The following UFM1 variants were observed in gnomAD, a reference collection of about 807,000 sequenced individuals.
UFM1 encodes ubiquitin-fold modifier 1.
A neutral mutation model predicts 15.4 loss-of-function variants in UFM1; 9 were observed. The observed-to-expected ratio is 0.59, with a 90% CI of 0.35 to 1.02. The LOEUF (loss-of-function observed/expected upper bound fraction) is 1.02. UFM1 is among the 50% of genes least tolerant of loss of function. The pLI, the probability that UFM1 is intolerant of heterozygous loss-of-function variation, is 0.02. For synonymous variants in UFM1, 27 were observed against 36.3 expected, an observed-to-expected ratio of 0.74 and a Z score of 0.92; for missense variants, 98 against 104.7, an observed-to-expected ratio of 0.94 and a Z score of 0.28.
chr13:38,358,172 A>G (rs1879204531), intron 4 of UFM1, 40 bp downstream of exon 4: 1 of 1,301,372 alleles, frequency 7.7e-7, no homozygotes, highest in Non-Finnish European at 1.0e-6. Flanking sequence ...CCTCAAATTT[A>G]TAGAAATGGT....
chr13:38,358,275 TCAGGGTTATTGTTA>T, intron 4 of UFM1, 143 bp downstream of exon 4: 1 of 429,136 alleles, frequency 2.3e-6, no homozygotes, highest in Non-Finnish European at 4.1e-6. Flanking sequence ...AAACACTAAG[TCAGGGTTATTGTTA>T]ATAATTAGCT....
intron 3 of UFM1, among the ~76,000 whole-genome samples, chr13:38,356,688 A>G (rs1165977009): frequency 7.4e-6 from 1 of 135,380 alleles, no homozygotes; most frequent in African/African-American, 2.6e-5. Context: ...AACCACACAC[A>G]AATTAGTACC....
In UFM1 at chr13:38,361,804, G is replaced by A. The variant is rs1220373256; in HGVS notation, c.*1026G>A. ...GAGGAAACAGTGAAGGGGAACAGAAGGGGGTAGCAAAGTGTTACAGAAAAG... is the reference window on the plus strand; with the variant it reads ...GAGGAAACAGTGAAGGGGAACAGAAAGGGGTAGCAAAGTGTTACAGAAAAG... On this transcript the variant is annotated 3_prime_UTR_variant, in exon 6 of 6. Coordinates refer to ENST00000239878, the MANE Select transcript of UFM1 (RefSeq NM_016617.4). 1.3e-5 allele frequency: 2 copies of A among 152,344 alleles called. No homozygotes were observed. The highest frequency in any genetic ancestry group is 4.8e-5 in the African/African-American group (2 of 41,456). The allele number at this position is 152,344 out of a possible 1,614,324, so 9.4% of individuals were successfully genotyped here. A position where few individuals can be genotyped will look rare whatever the true frequency, so the allele number is the denominator to read the frequency against.
chr13:38,358,256 C>T (rs527745800), intron 4 of UFM1, 124 bp downstream of exon 4: 2 of 480,042 alleles, frequency 4.2e-6, no homozygotes, highest in Admixed American at 8.7e-5. Flanking sequence ...AAATGATATA[C>T]TTACTGGTAA....
intron 5 of UFM1, chr13:38,360,042 C>T: frequency 2.5e-6 from 1 of 402,738 alleles, no homozygotes; most frequent in Admixed American, 2.7e-5. Flanking sequence ...TTTTCACAGG[C>T]CTTGCAGTTG....
In UFM1 at chr13:38,358,068, TA is replaced by T. The variant is rs200487924; in HGVS notation, c.118-24del. On this transcript the variant is annotated intron_variant, in intron 3 of 5. Transcript: ENST00000239878. The stretch of plus-strand genomic sequence containing the variant: ...GTGTGTGTGTGTGTGTATATATATA[TA>T]TATTTTTTTTTCCTTCTATTTAGTT... 2,765 of 1,025,554 alleles carry T rather than the reference TA, an allele frequency of 2.7e-3. 6 individuals carry two copies. The highest frequency in any genetic ancestry group is 8.8e-3 in the African/African-American group (477 of 54,426). 63.5% of individuals were successfully genotyped at this position (1,025,554 alleles called of 1,614,324 possible).
chr13:38,358,069 A>AT (rs373199838), intron 3 of UFM1, 24 bp from the exon 4 acceptor site: 35 of 968,270 alleles, frequency 3.6e-5, no homozygotes, highest in African/African-American at 2.7e-4. Context: ...ATATATATAT[A>AT]TATTTTTTTT....
intron 3 of UFM1, among the ~76,000 whole-genome samples, chr13:38,356,065 A>G (rs1357414826): frequency 6.6e-6 from 1 of 151,916 alleles, no homozygotes; most frequent in African/African-American, 2.4e-5. Context: ...CATTCAGTAG[A>G]AAACCTGTCA....
chr13:38,360,393 AT>A (rs569412669), intron 5 of UFM1, among the ~76,000 whole-genome samples: 1 of 151,712 alleles, frequency 6.6e-6, no homozygotes, highest in Non-Finnish European at 1.5e-5. Flanking sequence ...AGTAATTTAC[AT>A]TTTTTTTCCT....
chr13:38,359,404 A>G (rs953187076), intron 5 of UFM1, 71 bp downstream of exon 5: 2 of 1,514,328 alleles, frequency 1.3e-6, no homozygotes, highest in African/African-American at 2.7e-5. Flanking sequence ...TAGTTAAGCT[A>G]TTCTAATTAC....
Position 38,361,900 on chromosome 13 carries a change from A to G in UFM1, c.*1122A>G, listed in dbSNP as rs1170997085. The G allele has an allele frequency of 6.6e-6, 1 of 152,256 alleles. No individual in the cohort carries two copies. The highest frequency in any genetic ancestry group is 1.5e-5 in the Non-Finnish European group (1 of 68,058). 9.4% of individuals were successfully genotyped at this position (152,256 alleles called of 1,614,324 possible). On this transcript the variant is annotated 3_prime_UTR_variant, in exon 6 of 6. Coordinates refer to ENST00000239878, the MANE Select transcript of UFM1 (RefSeq NM_016617.4). ...TGAAAGGGAAAACAAAATACTTGAC[A>G]TAGTCTTAAGTAGAAGAAGGCAGTT... is the stretch of plus-strand genomic sequence containing the variant.
intron 3 of UFM1, among the ~76,000 whole-genome samples, chr13:38,357,223 C>G (rs996431177): frequency 2.0e-5 from 3 of 151,888 alleles, no homozygotes; most frequent in Non-Finnish European, 4.4e-5. Flanking sequence ...TTGGTTGTTA[C>G]CTGAAAATCT....
At chr13:38,353,600 C>T (rs913051370) in intron 2 of UFM1, among the ~76,000 whole-genome samples, 1 of 151,910 alleles carries the variant, frequency 6.6e-6, no homozygotes, top group Non-Finnish European at 1.5e-5. Context: ...AGTCAGTTAA[C>T]AAAATCACTC....
chr13:38,351,849 GTGTATGTGTA>G (rs1878868679), intron 2 of UFM1, among the ~76,000 whole-genome samples: 1 of 152,180 alleles, frequency 6.6e-6, no homozygotes, highest in Non-Finnish European at 1.5e-5. Flanking sequence ...GTAGTTGTGT[GTGTATGTGTA>G]TAAGGATGTG....
rs768180508 is a variant in UFM1, at chr13:38,349,884, A to G, written c.-36A>G. 27 of 1,613,886 alleles carry G rather than the reference A, an allele frequency of 1.7e-5. No homozygotes were observed. The East Asian group carries it at 5.6e-4, about 33-fold the overall frequency. On this transcript the variant is annotated 5_prime_UTR_variant, in exon 1 of 6. Coordinates refer to ENST00000239878, the MANE Select transcript of UFM1 (RefSeq NM_016617.4). ...AGAGGAAGTCGTGCTACCCCCGCGG[A>G]GTTGTCGTGTGTTCTGGATTCATTC...
Position 38,349,893 on chromosome 13 carries a change from G to A in UFM1, c.-27G>A, listed in dbSNP as rs377571204. 6.2e-6 allele frequency: 10 copies of A among 1,614,018 alleles called. No homozygotes were observed. The highest frequency in any genetic ancestry group is 8.5e-6 in the Non-Finnish European group (10 of 1,180,034). On this transcript the variant is annotated 5_prime_UTR_variant, in exon 1 of 6. In the 5' UTR this introduces an upstream ATG that the reference lacks. Coordinates refer to ENST00000239878, the MANE Select transcript of UFM1 (RefSeq NM_016617.4). Reference sequence around the variant, plus strand: ...CGTGCTACCCCCGCGGAGTTGTCGTGTGTTCTGGATTCATTCCGGCACCAC... The same window carrying A: ...CGTGCTACCCCCGCGGAGTTGTCGTATGTTCTGGATTCATTCCGGCACCAC...
In UFM1 at chr13:38,363,225, A is replaced by G. The variant is rs199518286; in HGVS notation, c.*2447A>G. ...TATTACTATATTTTTACTGTGCTTTATCTATGTTTGGATACACAAGTACTT... is the reference window on the plus strand; with the variant it reads ...TATTACTATATTTTTACTGTGCTTTGTCTATGTTTGGATACACAAGTACTT... On this transcript the variant is annotated 3_prime_UTR_variant, in exon 6 of 6. Coordinates refer to ENST00000239878, the MANE Select transcript of UFM1 (RefSeq NM_016617.4). 16 of 152,228 alleles carry G rather than the reference A, an allele frequency of 1.1e-4. No individual in the cohort carries two copies. Among genetic ancestry groups the G allele is most frequent in the African/African-American group, 3.9e-4 (16 of 41,452 alleles). The allele number at this position is 152,228 out of a possible 1,614,324, so 9.4% of individuals were successfully genotyped here.
chr13:38,354,012 G>A (rs988716900), intron 2 of UFM1, among the ~76,000 whole-genome samples: 3 of 152,028 alleles, frequency 2.0e-5, no homozygotes, highest in African/African-American at 7.2e-5. Context: ...TAATTCTCAA[G>A]TGGAGCTCGG....
Position 38,350,564 on chromosome 13 carries a change from A to C in UFM1, c.59+509A>C, listed in dbSNP as rs182079172. On this transcript the variant is annotated intron_variant, in intron 2 of 5. Transcript: ENST00000239878. ...GTAACTCAGCAGTCGGGCATCACAA[A>C]GTAATGAGACTCAGATCACACCCTT... Among the ~76,000 whole-genome samples, 16 of 152,336 alleles carry C rather than the reference A, an allele frequency of 1.1e-4. No individual in the cohort carries two copies. In the East Asian group the frequency reaches 2.9e-3, roughly 28 times the overall value.
Sources: gnomAD v4.1 joint callset for allele counts (sites outside exome capture counted in the v4.1 genomes callset) on GRCh38, gnomAD v4.1.1 for gene constraint, MANE v1.5 for transcripts, NCBI Gene and HGNC (gene_info 2026-07-23, HGNC 2026-07-21) for gene names.